Variants in SLIT3 observed in about 807,000 individuals in gnomAD.
SLIT3 encodes slit guidance ligand 3, also known as slit homolog 3 protein.
In SLIT3, 68 loss-of-function variants were observed where a neutral mutation model predicts 184.0. The ratio of observed to expected loss-of-function variants is 0.37; its 90% CI spans 0.30 to 0.45. The LOEUF is 0.45. Ranked by LOEUF, SLIT3 falls within the 20% of genes least tolerant of loss-of-function variation. SLIT3 has a pLI of 1.00. For synonymous variants in SLIT3, 831 were observed against 828.6 expected, an observed-to-expected ratio of 1.00 and a Z score of -0.05; for missense variants, 1,707 against 2,026.0, an observed-to-expected ratio of 0.84 and a Z score of 3.02.
Position 169,015,984 on chromosome 5 carries a change from AC to A in SLIT3, c.414-132649del, listed in dbSNP as rs1483264128. On this transcript the variant is annotated intron_variant, in intron 4 of 35. Coordinates refer to ENST00000519560, the MANE Select transcript of SLIT3 (RefSeq NM_003062.4). ...CACACACACACACACACACACACAC[AC>A]AACTTTCTGTCTGCCCCCTTGCTCT... Among the ~76,000 whole-genome samples, 21 of 76,900 alleles carry A rather than the reference AC, an allele frequency of 2.7e-4. 1 individual carries two copies. In the East Asian group the frequency reaches 0.015, roughly 54 times the overall value. The allele number at this position is 76,900 out of a possible 152,430, so 50.4% of individuals were successfully genotyped here. A position where few individuals can be genotyped will look rare whatever the true frequency, so the allele number is the denominator to read the frequency against.
chr5:168,711,039 G>A lies in SLIT3; in HGVS notation c.2575C>T (p.Leu859Phe), dbSNP rs1187048852. 1.9e-6 allele frequency: 3 copies of A among 1,588,554 alleles called. No individual in the cohort carries two copies. Among genetic ancestry groups the A allele is most frequent in the African/African-American group, 1.3e-5 (1 of 74,250 alleles). The change falls in exon 25 of 36, where the codon CTC (leucine) becomes TTC (phenylalanine). Residue 859 changes from leucine to phenylalanine, a missense_variant. Physicochemically the swap from Leu to Phe is conservative, Grantham distance 22. This residue lies in a region of SLIT3 where 1,307 missense variants were observed against 1,511.6 expected (regional missense o/e 0.86). Transcript: ENST00000519560. ...CACCGAAGACTGCAGTCACAGTGGA[G>A]TGGGTTGGTTCCCAGCGCCCTAGGA... ...LSHLALGTNPLHCDCSLRWLS... is the reference protein window; with the variant it reads ...LSHLALGTNPFHCDCSLRWLS...
At chr5:168,810,859 G>A (rs1184305180) in intron 8 of SLIT3, among the ~76,000 whole-genome samples, 3 of 152,184 alleles carry the variant, frequency 2.0e-5, no homozygotes, top group East Asian at 3.9e-4. Flanking sequence ...GGAGGGATGC[G>A]TCTCCAGCCC....
chr5:168,787,977 A>C (rs1172164086), intron 11 of SLIT3, among the ~76,000 whole-genome samples: 1 of 149,962 alleles, frequency 6.7e-6, no homozygotes, highest in Non-Finnish European at 1.5e-5. Flanking sequence ...TGAATGAATA[A>C]ATCGGGAGTG....
chr5:169,193,431 C>T, intron 4 of SLIT3, 48 bp downstream of exon 4: 2 of 1,527,920 alleles, frequency 1.3e-6, no homozygotes, highest in South Asian at 1.1e-5. Context: ...CCACATCACC[C>T]AAGCCAGGCA....
chr5:168,997,343 T>C (rs1755549652), intron 4 of SLIT3, among the ~76,000 whole-genome samples: 1 of 152,116 alleles, frequency 6.6e-6, no homozygotes, highest in Non-Finnish European at 1.5e-5. Flanking sequence ...CCCCCCACTT[T>C]AGAGGGAGAG....
At chr5:169,000,185 A>T (rs1755655020) in intron 4 of SLIT3, among the ~76,000 whole-genome samples, 1 of 152,006 alleles carries the variant, frequency 6.6e-6, no homozygotes. Context: ...TGAGATCAAG[A>T]GATCTAAACC....
intron 3 of SLIT3, among the ~76,000 whole-genome samples, chr5:169,207,221 T>C (rs1441462736): frequency 1.3e-5 from 2 of 152,070 alleles, no homozygotes; most frequent in East Asian, 1.9e-4. Context: ...TCCAAACTTA[T>C]TGGCGTTTCA....
chr5:168,816,984 C>T lies in SLIT3; in HGVS notation c.793+316G>A, dbSNP rs1419176895. Among the ~76,000 whole-genome samples, 9 of 152,202 alleles carry T rather than the reference C, an allele frequency of 5.9e-5. No homozygotes were observed. The East Asian group carries it at 7.7e-4, about 13-fold the overall frequency. ...TGTTTAGCAGATGCTAGAACACCTC[C>T]GTTATACCTGTTTCCATTTTATGTG... On this transcript the variant is annotated intron_variant, in intron 8 of 35. Coordinates refer to ENST00000519560, the MANE Select transcript of SLIT3 (RefSeq NM_003062.4).
intron 4 of SLIT3, among the ~76,000 whole-genome samples, chr5:169,149,004 G>T (rs575857141): frequency 1.3e-5 from 2 of 152,256 alleles, no homozygotes; most frequent in East Asian, 3.9e-4. Context: ...CCATTTTATA[G>T]AGGAGAAAAC....
chr5:168,967,222 G>C (rs1330555994), intron 4 of SLIT3, among the ~76,000 whole-genome samples: 1 of 151,892 alleles, frequency 6.6e-6, no homozygotes, highest in Non-Finnish European at 1.5e-5. Flanking sequence ...TGCTATAAAT[G>C]TGTGTGTGCA....
chr5:168,842,762 G>C (rs1758313753), intron 6 of SLIT3, among the ~76,000 whole-genome samples: 1 of 152,180 alleles, frequency 6.6e-6, no homozygotes, highest in African/African-American at 2.4e-5. Context: ...ACCGTTCCTA[G>C]CACAGAGAAT....
intron 14 of SLIT3, chr5:168,768,194 G>A (rs773402384): frequency 4.4e-5 from 23 of 526,176 alleles, no homozygotes; most frequent in Admixed American, 7.8e-5. Flanking sequence ...ACCATGTTCC[G>A]TTTCCATCGT....
intron 4 of SLIT3, among the ~76,000 whole-genome samples, chr5:169,098,751 C>T (rs1329581353): frequency 6.6e-6 from 1 of 152,204 alleles, no homozygotes; most frequent in African/African-American, 2.4e-5. Context: ...CTTTACCGGA[C>T]ACAGTCATTA....
chr5:168,894,336 T>C (rs922099856), intron 4 of SLIT3, among the ~76,000 whole-genome samples: 1 of 152,214 alleles, frequency 6.6e-6, no homozygotes, highest in African/African-American at 2.4e-5. Context: ...GCATGAGGCC[T>C]GATGCATAGC....
At chr5:169,252,351 A>C (rs989079767) in intron 1 of SLIT3, among the ~76,000 whole-genome samples, 1 of 152,200 alleles carries the variant, frequency 6.6e-6, no homozygotes, top group African/African-American at 2.4e-5. Context: ...AAGCTCCTGA[A>C]TATAGCCCCA....
At position 169,043,188 on chromosome 5, in the gene SLIT3, T is replaced by C. The variant is rs1030911691; in HGVS notation, c.413+150291A>G. Among the ~76,000 whole-genome samples, 10 of 152,316 alleles carry C rather than the reference T, an allele frequency of 6.6e-5. No individual in the cohort carries two copies. In the East Asian group the frequency reaches 1.7e-3, roughly 26 times the overall value. On this transcript the variant is annotated intron_variant, in intron 4 of 35. Transcript: ENST00000519560. The stretch of plus-strand genomic sequence containing the variant: ...AAAAAAAATGACTTGCCCGAGGTCA[T>C]ACAGCCAGCGCAGACCTGGAATTCA...
At chr5:168,866,754 T>C (rs952188415) in intron 5 of SLIT3, among the ~76,000 whole-genome samples, 5 of 152,218 alleles carry the variant, frequency 3.3e-5, no homozygotes, top group African/African-American at 1.2e-4. Context: ...AGTTTCTTCA[T>C]CTTTTAAAGA....
intron 1 of SLIT3, among the ~76,000 whole-genome samples, chr5:169,254,464 T>C (rs1765881610): frequency 6.6e-6 from 1 of 151,684 alleles, no homozygotes; most frequent in Admixed American, 6.6e-5. Context: ...TCTCCAAACA[T>C]GTCTGCCATT....
chr5:168,977,198 G>A (rs1395878567), intron 4 of SLIT3, among the ~76,000 whole-genome samples: 1 of 152,206 alleles, frequency 6.6e-6, no homozygotes, highest in Non-Finnish European at 1.5e-5. Flanking sequence ...GGGGATGGGT[G>A]TAGGAGTGGT....
Sources: allele counts gnomAD v4.1 joint callset (sites outside exome capture counted in the v4.1 genomes callset), GRCh38; gene constraint gnomAD v4.1.1; regional missense constraint gnomAD v4.1.1; transcripts MANE v1.5; gene names NCBI Gene and HGNC (gene_info 2026-07-23, HGNC 2026-07-21).